Variants in HMG20A observed in about 807,000 individuals in gnomAD.
HMG20A encodes the protein high mobility group 20A.
A neutral mutation model predicts 43.9 loss-of-function variants in HMG20A; 17 were observed. The ratio of observed to expected loss-of-function variants is 0.39; its 90% confidence interval spans 0.27 to 0.58. The LOEUF (loss-of-function observed/expected upper bound fraction) is 0.58, where lower values mean the gene tolerates loss of function less well. HMG20A is among the 20% of genes least tolerant of loss of function. The pLI, the probability that HMG20A is intolerant of heterozygous loss-of-function variation, is 0.59. For missense variants in HMG20A, 341 were observed against 438.2 expected, an observed-to-expected ratio of 0.78 and a Z score of 1.98; for synonymous variants, 132 against 147.5, an observed-to-expected ratio of 0.89 and a Z score of 0.76.
Position 77,464,199 on chromosome 15 carries a change from G to T in HMG20A, c.90-41G>T, listed in dbSNP as rs778350834. 7 of 1,604,134 alleles carry T rather than the reference G, an allele frequency of 4.4e-6. No individual in the cohort carries two copies. The Admixed American group carries it at 8.4e-5, about 19-fold the overall frequency. On this transcript the variant is annotated intron_variant, in intron 2 of 9. Transcript: ENST00000336216. The stretch of plus-strand genomic sequence containing the variant: ...ATTTATCTAGAACCTTAGTAAATAG[G>T]TGGAGTTTTTGTGTTGTTGATACTT...
chr15:77,517,910 G>A, the HMG20A span, among the ~76,000 whole-genome samples: 2 of 152,110 alleles, frequency 1.3e-5, no homozygotes, highest in South Asian at 2.1e-4. Context: ...TTCTTCTTCT[G>A]TAAAATGGGG....
At chr15:77,515,886 T>C in the HMG20A span, among the ~76,000 whole-genome samples, 1 of 151,852 alleles carries the variant, frequency 6.6e-6, no homozygotes, top group Non-Finnish European at 1.5e-5. Flanking sequence ...AGTGGATCTG[T>C]GAGCAAGGCC....
At chr15:77,436,866 T>C (rs544818716) in intron 1 of HMG20A, among the ~76,000 whole-genome samples, 1 of 152,340 alleles carries the variant, frequency 6.6e-6, no homozygotes, top group Admixed American at 6.5e-5. Context: ...TTAAAATTCC[T>C]CAGAGGTTTA....
chr15:77,480,307 T>C (rs1243664356), intron 9 of HMG20A, among the ~76,000 whole-genome samples: 1 of 151,502 alleles, frequency 6.6e-6, no homozygotes, highest in African/African-American at 2.4e-5. Flanking sequence ...AAAAATTTTT[T>C]TAAATAAAAA....
At chr15:77,497,084 G>A in the HMG20A span, among the ~76,000 whole-genome samples, 2 of 152,302 alleles carry the variant, frequency 1.3e-5, no homozygotes, top group Non-Finnish European at 2.9e-5. Context: ...ATCCATAGCC[G>A]ACCCTCGCAA....
the HMG20A span, among the ~76,000 whole-genome samples, chr15:77,498,946 C>T: frequency 6.6e-6 from 1 of 152,154 alleles, no homozygotes; most frequent in Non-Finnish European, 1.5e-5. Context: ...GTCCATTATT[C>T]CTTCCACCTT....
chr15:77,463,817 C>T (rs572202046), intron 2 of HMG20A, among the ~76,000 whole-genome samples: 35 of 152,274 alleles, frequency 2.3e-4, no homozygotes, highest in African/African-American at 7.7e-4. Context: ...CCTTTAAGAC[C>T]TCTTTTGTGA....
At chr15:77,470,882 T>G in intron 4 of HMG20A, 28 bp from the exon 5 acceptor site, 1 of 1,540,070 alleles carries the variant, frequency 6.5e-7, no homozygotes, top group East Asian at 2.4e-5. Context: ...CTCATTTTCT[T>G]GAAAATAATT....
intron 2 of HMG20A, among the ~76,000 whole-genome samples, 192 bp from the exon 3 acceptor site, chr15:77,464,048 T>A (rs2142334590): frequency 6.6e-6 from 1 of 152,368 alleles, no homozygotes; most frequent in African/African-American, 2.4e-5. Context: ...CTGACCTGGT[T>A]TAATCAAGCA....
chr15:77,454,248 A>G (rs2072634391), intron 1 of HMG20A, among the ~76,000 whole-genome samples: 1 of 151,888 alleles, frequency 6.6e-6, no homozygotes, highest in South Asian at 2.1e-4. Context: ...ATTGTTTGCT[A>G]AAGGATATTG....
chr15:77,455,298 C>G (rs1000594767), intron 1 of HMG20A, among the ~76,000 whole-genome samples: 3 of 146,408 alleles, frequency 2.0e-5, no homozygotes, highest in African/African-American at 7.6e-5. Context: ...TATGATCTGG[C>G]CTACTAGATG....
At chr15:77,462,624 C>CG (rs2072715037) in intron 2 of HMG20A, among the ~76,000 whole-genome samples, 1 of 151,990 alleles carries the variant, frequency 6.6e-6, no homozygotes, top group Non-Finnish European at 1.5e-5. Flanking sequence ...CACACACACC[C>CG]TGTTTTTACT....
intron 1 of HMG20A, among the ~76,000 whole-genome samples, chr15:77,424,966 A>T (rs570543143): frequency 3.3e-5 from 5 of 152,148 alleles, no homozygotes; most frequent in African/African-American, 2.4e-5. Context: ...GGGGGGAAAA[A>T]AATCTGTACT....
rs576045990 is a variant in HMG20A at position 77,475,833 on chromosome 15, A to G, written c.616-1722A>G. Among the ~76,000 whole-genome samples, 10 of 152,334 alleles carry G rather than the reference A, an allele frequency of 6.6e-5. No individual in the cohort carries two copies. In the South Asian group the frequency reaches 2.1e-3, roughly 32 times the overall value. ...TCTGGAACCAGCCTTTCTTGTTCAT[A>G]CATTAGTTTCCATTGAAATCCCCTA... is the stretch of plus-strand genomic sequence containing the variant. On this transcript the variant is annotated intron_variant, in intron 6 of 9. Coordinates refer to ENST00000336216, the MANE Select transcript of HMG20A (RefSeq NM_001304504.2).
chr15:77,434,388 C>G (rs913504047), intron 1 of HMG20A, among the ~76,000 whole-genome samples: 2 of 127,550 alleles, frequency 1.6e-5, no homozygotes, highest in Non-Finnish European at 3.5e-5. Context: ...ACTTCATAAA[C>G]TCATGAAATT....
intron 1 of HMG20A, among the ~76,000 whole-genome samples, chr15:77,427,633 T>C (rs2073439901): frequency 6.6e-6 from 1 of 152,150 alleles, no homozygotes; most frequent in South Asian, 2.1e-4. Flanking sequence ...CCCTTATACA[T>C]GTTACCCCAT....
At chr15:77,433,942 C>A (rs2073517225) in intron 1 of HMG20A, among the ~76,000 whole-genome samples, 1 of 152,176 alleles carries the variant, frequency 6.6e-6, no homozygotes, top group Admixed American at 6.5e-5. Flanking sequence ...GTAGTCAAGA[C>A]AAACTTGAAG....
At chr15:77,445,090 C>T (rs1453806121) in intron 1 of HMG20A, among the ~76,000 whole-genome samples, 1 of 152,220 alleles carries the variant, frequency 6.6e-6, no homozygotes, top group Non-Finnish European at 1.5e-5. Flanking sequence ...CCATTTATTA[C>T]ACTATAGTTT....
chr15:77,467,120 C>T lies in HMG20A; in HGVS notation c.263C>T (p.Ser88Phe). 1 of 1,613,660 alleles carries T rather than the reference C, an allele frequency of 6.2e-7. No homozygotes were observed. Among genetic ancestry groups the T allele is most frequent in the South Asian group, 1.1e-5 (1 of 91,030 alleles). ...CAACGAAGTAAACGAGGAGGTTGGT[C>T]CAAAGGAAGAAAGAGGAAGAAACCT... ...DEQRSKRGGWSKGRKRKKPLR... is the reference protein window; with the variant it reads ...DEQRSKRGGWFKGRKRKKPLR... The change falls in exon 4 of 10, where the codon TCC becomes TTC. Residue 88 changes from serine to phenylalanine, a missense_variant. By Grantham distance (155) the Ser-to-Phe change is radical (BLOSUM62 -2). This residue lies in a region of HMG20A where 220 missense variants were observed against 263.6 expected (regional missense o/e 0.83). Coordinates refer to ENST00000336216, the MANE Select transcript of HMG20A (RefSeq NM_001304504.2).
Sources: allele counts gnomAD v4.1 joint callset (sites outside exome capture counted in the v4.1 genomes callset), GRCh38; gene constraint gnomAD v4.1.1; regional missense constraint gnomAD v4.1.1; transcripts MANE v1.5; gene names NCBI Gene and HGNC (gene_info 2026-07-23, HGNC 2026-07-21).